Variants in ANKS1A observed in about 807,000 individuals in gnomAD.
ANKS1A encodes ankyrin repeat and sterile alpha motif domain containing 1A, also known as ankyrin repeat and SAM domain-containing protein 1A.
In ANKS1A, 55 loss-of-function variants were observed where a neutral mutation model predicts 120.3. The ratio of observed to expected loss-of-function variants is 0.46; its 90% CI spans 0.37 to 0.57. The LOEUF is 0.57. Ranked by LOEUF, ANKS1A falls within the 20% of genes least tolerant of loss-of-function variation. The probability of loss-of-function intolerance (pLI) is 0.00; values close to 1 mark genes in which losing one functional copy is unlikely to be tolerated. For missense variants in ANKS1A, 1,123 were observed against 1,480.3 expected (o/e 0.76, Z 3.96); for synonymous variants, 590 against 604.7 (o/e 0.98, Z 0.36).
chr6:35,001,090 A>G (rs1408122594), intron 10 of ANKS1A, among the ~76,000 whole-genome samples: 1 of 152,254 alleles, frequency 6.6e-6, no homozygotes, highest in Non-Finnish European at 1.5e-5. Context: ...TATGTCTACA[A>G]GGTTTTATTA....
At chr6:35,015,705 C>T (rs1773964382) in intron 10 of ANKS1A, among the ~76,000 whole-genome samples, 2 of 152,140 alleles carry the variant, frequency 1.3e-5, no homozygotes, top group Admixed American at 1.3e-4. Flanking sequence ...GAACTGTATC[C>T]CTGCTCAGAC....
chr6:34,975,431 G>T (rs1023891673), intron 3 of ANKS1A, among the ~76,000 whole-genome samples: 21 of 146,240 alleles, frequency 1.4e-4, no homozygotes, highest in African/African-American at 2.3e-4. Context: ...TCCAGCCTGG[G>T]CAACAGAGTG....
chr6:35,067,653 G>GA (rs926102602), intron 13 of ANKS1A, among the ~76,000 whole-genome samples: 1 of 151,400 alleles, frequency 6.6e-6, no homozygotes, highest in African/African-American at 2.4e-5. Flanking sequence ...AAGTGGTGGG[G>GA]AAAAAAAAGA....
In ANKS1A at chr6:35,058,520, CTG is replaced by C. The variant is rs1331509819; in HGVS notation, c.2078-1625_2078-1624del. On this transcript the variant is annotated intron_variant, in intron 12 of 23. Coordinates refer to ENST00000360359, the MANE Select transcript of ANKS1A (RefSeq NM_015245.3). This position sits in a 1 kb window ranked among gnomAD's most constrained non-coding sequence, Gnocchi z 5.1. ...AGGCCGCCGGGTCCCTGACCATCATCTGTTCTGCAGGAGACAGAGGAGAGGGA... is the reference window on the plus strand; with the variant it reads ...AGGCCGCCGGGTCCCTGACCATCATCTTCTGCAGGAGACAGAGGAGAGGGA... 1 of 152,316 alleles carries C rather than the reference CTG, an allele frequency of 6.6e-6. No homozygotes were observed. Among genetic ancestry groups the C allele is most frequent in the African/African-American group, 2.4e-5 (1 of 41,454 alleles). 9.4% of individuals were successfully genotyped at this position (152,316 alleles called of 1,614,324 possible). A position where few individuals can be genotyped will look rare whatever the true frequency, so the allele number is the denominator to read the frequency against.
intron 10 of ANKS1A, among the ~76,000 whole-genome samples, chr6:35,013,307 T>C (rs1391471578): frequency 1.3e-5 from 2 of 152,150 alleles, no homozygotes; most frequent in Non-Finnish European, 2.9e-5. Context: ...TTTTTTATTT[T>C]TTGGTGAGAC....
At position 35,082,558 on chromosome 6, in the gene ANKS1A, T is replaced by TG; in HGVS notation, c.2710-132dup. 4 of 1,174,326 alleles carry TG rather than the reference T, an allele frequency of 3.4e-6. No homozygotes were observed. In the South Asian group the frequency reaches 6.7e-5, roughly 20 times the overall value. The allele number at this position is 1,174,326 out of a possible 1,614,324, so 72.7% of individuals were successfully genotyped here. On this transcript the variant is annotated intron_variant, in intron 17 of 23. Coordinates refer to ENST00000360359, the MANE Select transcript of ANKS1A (RefSeq NM_015245.3). This position sits in a 1 kb window ranked among gnomAD's most constrained non-coding sequence, Gnocchi z 4.1. ...GTGTTTGAATTGCTGGTCTGCCCCC[T>TG]GCCATCTCCACTCGACCCTTGAACT...
At chr6:35,064,048 T>A (rs1048348979) in intron 13 of ANKS1A, among the ~76,000 whole-genome samples, 1 of 152,182 alleles carries the variant, frequency 6.6e-6, no homozygotes, top group Admixed American at 6.5e-5. Context: ...TGGGGGGCAG[T>A]GACGGGCAGG....
At chr6:34,938,137 T>C (rs1769349563) in intron 1 of ANKS1A, among the ~76,000 whole-genome samples, 1 of 152,234 alleles carries the variant, frequency 6.6e-6, no homozygotes, top group Admixed American at 6.5e-5. Context: ...GCAAATACAT[T>C]ACCTCTCATC....
chr6:35,020,695 A>G (rs1302805953), intron 11 of ANKS1A, among the ~76,000 whole-genome samples: 1 of 152,192 alleles, frequency 6.6e-6, no homozygotes, highest in Non-Finnish European at 1.5e-5. Flanking sequence ...GCCAAGAAAT[A>G]CAAAATCACC....
intron 11 of ANKS1A, among the ~76,000 whole-genome samples, chr6:35,052,678 A>C (rs1334734328): frequency 6.6e-6 from 1 of 150,688 alleles, no homozygotes; most frequent in Non-Finnish European, 1.5e-5. Context: ...AGGTCTGGGG[A>C]GTTTCCCTTG....
Position 35,088,951 on chromosome 6 carries a change from A to T in ANKS1A, c.*342A>T. 7.9e-7 allele frequency: 1 copy of T among 1,265,116 alleles called. No individual in the cohort carries two copies. The allele number at this position is 1,265,116 out of a possible 1,614,324, so 78.4% of individuals were successfully genotyped here. ...GCTCAAACCTCTAGGTCATACTGCC[A>T]ATCTTTAGACAAATGGCCATGGGGC... On this transcript the variant is annotated 3_prime_UTR_variant, in exon 24 of 24. Coordinates refer to ENST00000360359, the MANE Select transcript of ANKS1A (RefSeq NM_015245.3).
intron 1 of ANKS1A, among the ~76,000 whole-genome samples, chr6:34,942,954 C>T (rs1769606076): frequency 6.7e-6 from 1 of 150,338 alleles, no homozygotes; most frequent in Non-Finnish European, 1.5e-5. Context: ...TTTCCCCTTT[C>T]CCCTTTCCTT....
chr6:35,041,111 A>G (rs1417038474), intron 11 of ANKS1A, among the ~76,000 whole-genome samples: 1 of 152,260 alleles, frequency 6.6e-6, no homozygotes, highest in African/African-American at 2.4e-5. Flanking sequence ...GAGAAATACT[A>G]AAAATAACAG....
At chr6:34,983,790 ATTT>A (rs11348002) in intron 7 of ANKS1A, among the ~76,000 whole-genome samples, 7 of 136,650 alleles carry the variant, frequency 5.1e-5, no homozygotes, top group Non-Finnish European at 4.7e-5. Context: ...CGAGTAATAA[ATTT>A]TTTTTTTTTT....
rs528175222 is a variant in ANKS1A, at chr6:35,025,446, C to T, written c.2010+7387C>T. On this transcript the variant is annotated intron_variant, in intron 11 of 23. Coordinates refer to ENST00000360359, the MANE Select transcript of ANKS1A (RefSeq NM_015245.3). ...TGGTGTGTTCAGCACCTCTCTCTCC[C>T]GCTTGCTGGTCCCTTGCTGCCATCA... 4.6e-5 allele frequency among the ~76,000 whole-genome samples: 7 copies of T among 152,180 alleles called. No homozygotes were observed. In the South Asian group the frequency reaches 1.0e-3, roughly 23 times the overall value.
chr6:35,060,341 G>A lies in ANKS1A; in HGVS notation c.2184+88G>A. The A allele has an allele frequency of 1.7e-6, 2 of 1,175,320 alleles. No homozygotes were observed. The highest frequency in any genetic ancestry group is 1.3e-5 in the South Asian group (1 of 74,554). The allele number at this position is 1,175,320 out of a possible 1,614,324, so 72.8% of individuals were successfully genotyped here. ...CTCCCCTCTGGCCCCACAGGAGTCT[G>A]CAACAGTACGTAGACCCAAATCCCA... is the stretch of plus-strand genomic sequence containing the variant. On this transcript the variant is annotated intron_variant, in intron 13 of 23. Transcript: ENST00000360359. This position sits in a 1 kb window ranked among gnomAD's most constrained non-coding sequence, Gnocchi z 4.5.
intron 10 of ANKS1A, among the ~76,000 whole-genome samples, chr6:34,999,672 T>A (rs917180038): frequency 6.6e-6 from 1 of 152,164 alleles, no homozygotes; most frequent in African/African-American, 2.4e-5. Flanking sequence ...GACAGGTCCC[T>A]TGTTTCAAAG....
Position 35,089,176 on chromosome 6 carries a change from C to G in ANKS1A, c.*567C>G. 2.0e-6 allele frequency: 2 copies of G among 1,000,506 alleles called. No individual in the cohort carries two copies. Among genetic ancestry groups the G allele is most frequent in the Non-Finnish European group, 2.4e-6 (2 of 837,448 alleles). 62.0% of individuals were successfully genotyped at this position (1,000,506 alleles called of 1,614,324 possible). On this transcript the variant is annotated 3_prime_UTR_variant, in exon 24 of 24. Transcript: ENST00000360359. ...CATATCAGCTGCTGCTCTTTATGAACTGCCCAACTTCCTGTCCCTTTCAGG... is the reference window on the plus strand; with the variant it reads ...CATATCAGCTGCTGCTCTTTATGAAGTGCCCAACTTCCTGTCCCTTTCAGG...
At position 35,087,059 on chromosome 6, in the gene ANKS1A, C is replaced by G; in HGVS notation, c.3401+10C>G. ...GGAGCCTCAGCACCAAGTATGAGAC[C>G]ACTATCTTCTAAAACAACCCACTCC... On this transcript the variant is annotated intron_variant, in intron 23 of 23. Coordinates refer to ENST00000360359, the MANE Select transcript of ANKS1A (RefSeq NM_015245.3). 1 of 1,613,322 alleles carries G rather than the reference C, an allele frequency of 6.2e-7. No individual in the cohort carries two copies. Among genetic ancestry groups the G allele is most frequent in the Non-Finnish European group, 8.5e-7 (1 of 1,179,298 alleles).
Sources: allele counts gnomAD v4.1 joint callset (sites outside exome capture counted in the v4.1 genomes callset), GRCh38; gene constraint gnomAD v4.1.1; non-coding constraint Gnocchi (gnomAD v3.1); transcripts MANE v1.5; gene names NCBI Gene and HGNC (gene_info 2026-07-23, HGNC 2026-07-21).